The following PIBF1 variants were observed in gnomAD, a reference collection of about 807,000 sequenced individuals.
The protein encoded by PIBF1 is progesterone immunomodulatory binding factor 1.
PIBF1 carries 90 observed loss-of-function variants against 112.5 expected under a neutral mutation model. The observed-to-expected ratio is 0.80, with a 90% CI of 0.67 to 0.95. The LOEUF is 0.95. Among genes scored for constraint, PIBF1 ranks in the 40% least tolerant of loss-of-function variants. The pLI is 0.00. For synonymous variants in PIBF1, 301 were observed against 288.6 expected, an observed-to-expected ratio of 1.04 and a Z score of -0.44; for missense variants, 915 against 852.3, an observed-to-expected ratio of 1.07 and a Z score of -0.92.
chr13:72,973,699 T>G (rs774691323), intron 16 of PIBF1, 24 bp downstream of exon 16: 2 of 1,330,006 alleles, frequency 1.5e-6, no homozygotes, highest in Admixed American at 3.8e-5. Flanking sequence ...TTTGTCATAA[T>G]TGTAATCATT....
At chr13:72,813,250 A>G (rs1443809427) in intron 5 of PIBF1, among the ~76,000 whole-genome samples, 1 of 152,222 alleles carries the variant, frequency 6.6e-6, no homozygotes, top group Non-Finnish European at 1.5e-5. Flanking sequence ...GAAAGGAGGA[A>G]GTAAAGGGAT....
chr13:72,946,851 G>C (rs2042161601), intron 14 of PIBF1, among the ~76,000 whole-genome samples: 1 of 152,218 alleles, frequency 6.6e-6, no homozygotes, highest in South Asian at 2.1e-4. Flanking sequence ...TTGTGGCTTT[G>C]CATGGTTCAG....
At position 72,897,515 on chromosome 13, in the gene PIBF1, G is replaced by T. The variant is rs1363985901; in HGVS notation, c.1488+3566G>T. On this transcript the variant is annotated intron_variant, in intron 11 of 17. Transcript: ENST00000326291. ...GGCCTAAATGCTCCACTTAAAAAAGGTGCAGAACTACAGAATGGATGAGAA... is the reference window on the plus strand; with the variant it reads ...GGCCTAAATGCTCCACTTAAAAAAGTTGCAGAACTACAGAATGGATGAGAA... 2.0e-5 allele frequency among the ~76,000 whole-genome samples: 3 copies of T among 152,144 alleles called. No individual in the cohort carries two copies. In the East Asian group the frequency reaches 5.8e-4, roughly 29 times the overall value.
At chr13:72,825,716 T>C (rs778807071) in intron 6 of PIBF1, among the ~76,000 whole-genome samples, 2 of 152,154 alleles carry the variant, frequency 1.3e-5, no homozygotes, top group Admixed American at 6.6e-5. Context: ...AAAGTAATAT[T>C]TATTTAATAT....
chr13:72,821,249 A>C (rs945763713), intron 5 of PIBF1, among the ~76,000 whole-genome samples: 2 of 152,160 alleles, frequency 1.3e-5, no homozygotes, highest in African/African-American at 2.4e-5. Context: ...ACCAACTTTA[A>C]GGTTTTTACT....
chr13:72,795,906 T>C (rs2035168911), intron 4 of PIBF1, among the ~76,000 whole-genome samples: 1 of 152,084 alleles, frequency 6.6e-6, no homozygotes, highest in Non-Finnish European at 1.5e-5. Context: ...TATAAAGGGA[T>C]AGGATGAGAA....
At chr13:72,855,517 T>G (rs1319096798) in intron 10 of PIBF1, among the ~76,000 whole-genome samples, 1 of 152,034 alleles carries the variant, frequency 6.6e-6, no homozygotes, top group East Asian at 1.9e-4. Context: ...TGTGTGGTGA[T>G]GCATGCCTGT....
intron 11 of PIBF1, among the ~76,000 whole-genome samples, chr13:72,895,134 A>T (rs1236788625): frequency 1.3e-5 from 2 of 152,038 alleles, no homozygotes; most frequent in Non-Finnish European, 2.9e-5. Flanking sequence ...AAAATTTTTT[A>T]AAGTAAATAC....
intron 13 of PIBF1, among the ~76,000 whole-genome samples, chr13:72,927,293 C>A (rs2041517247): frequency 6.6e-6 from 1 of 152,064 alleles, no homozygotes. Context: ...ATCACGAGGT[C>A]AGGAGATCGA....
At chr13:72,937,447 C>A (rs530200669) in intron 14 of PIBF1, among the ~76,000 whole-genome samples, 1 of 152,102 alleles carries the variant, frequency 6.6e-6, no homozygotes, top group Non-Finnish European at 1.5e-5. Flanking sequence ...GTTCCCCCAG[C>A]CTTTGTGTTC....
chr13:72,801,954 G>C (rs1185398095), intron 5 of PIBF1, among the ~76,000 whole-genome samples: 2 of 152,114 alleles, frequency 1.3e-5, no homozygotes, highest in African/African-American at 4.8e-5. Flanking sequence ...GTAAAACTTA[G>C]AGCATCCATA....
intron 14 of PIBF1, among the ~76,000 whole-genome samples, chr13:72,958,822 A>G (rs2042528197): frequency 6.6e-6 from 1 of 152,166 alleles, no homozygotes; most frequent in African/African-American, 2.4e-5. Context: ...ACGTAAAATG[A>G]TTTACGTACT....
intron 13 of PIBF1, among the ~76,000 whole-genome samples, chr13:72,930,777 T>C (rs2041673068): frequency 6.6e-6 from 1 of 152,202 alleles, no homozygotes; most frequent in Non-Finnish European, 1.5e-5. Context: ...AGCTAATTAT[T>C]GTTTGTAATA....
intron 11 of PIBF1, among the ~76,000 whole-genome samples, chr13:72,898,898 A>G (rs1428411033): frequency 2.0e-5 from 3 of 151,944 alleles, no homozygotes; most frequent in Non-Finnish European, 4.4e-5. Context: ...TAACCAAGAA[A>G]AGAAGAAAAT....
At chr13:72,943,677 C>T (rs1476958391) in intron 14 of PIBF1, among the ~76,000 whole-genome samples, 1 of 152,196 alleles carries the variant, frequency 6.6e-6, no homozygotes, top group African/African-American at 2.4e-5. Context: ...TCTTCACTTG[C>T]TGTCTCCTCC....
At chr13:72,955,397 G>GTGTA (rs1208729926) in intron 14 of PIBF1, among the ~76,000 whole-genome samples, 1 of 151,818 alleles carries the variant, frequency 6.6e-6, no homozygotes, top group Non-Finnish European at 1.5e-5. Context: ...GTGTGTGTGT[G>GTGTA]TGTATGTGCA....
intron 17 of PIBF1, among the ~76,000 whole-genome samples, chr13:73,013,591 G>C (rs937895402): frequency 6.6e-6 from 1 of 151,652 alleles, no homozygotes; most frequent in Non-Finnish European, 1.5e-5. Context: ...ATAAAAATTA[G>C]CTGAGAGTGA....
At chr13:72,844,124 T>G (rs901867989) in intron 9 of PIBF1, among the ~76,000 whole-genome samples, 10 of 152,202 alleles carry the variant, frequency 6.6e-5, no homozygotes, top group African/African-American at 2.2e-4. Context: ...TTATGAAGTT[T>G]AGGTATTAAT....
chr13:72,819,942 CCT>C (rs1323279038), intron 5 of PIBF1, among the ~76,000 whole-genome samples: 1 of 151,870 alleles, frequency 6.6e-6, no homozygotes, highest in Non-Finnish European at 1.5e-5. Context: ...TTTTGGGATC[CCT>C]GTTTTTTGCC....
Sources: gnomAD v4.1 joint callset for allele counts (sites outside exome capture counted in the v4.1 genomes callset) on GRCh38, gnomAD v4.1.1 for gene constraint, MANE v1.5 for transcripts, NCBI Gene and HGNC (gene_info 2026-07-23, HGNC 2026-07-21) for gene names.